The following ULK4 variants were observed in gnomAD, a reference collection of about 807,000 sequenced individuals.
ULK4 encodes the protein unc-51 like kinase 4.
ULK4 carries 133 observed loss-of-function variants against 160.6 expected under a neutral mutation model. That is an observed-to-expected ratio of 0.83 (90% CI 0.72 to 0.96). The LOEUF (loss-of-function observed/expected upper bound fraction) is 0.96. Ranked by LOEUF, ULK4 falls within the 40% of genes least tolerant of loss-of-function variation. The probability of loss-of-function intolerance (pLI) is 0.00; values close to 1 mark genes in which losing one functional copy is unlikely to be tolerated. For synonymous variants in ULK4, 534 were observed against 539.8 expected (o/e 0.99, Z 0.15); for missense variants, 1,580 against 1,499.5 (o/e 1.05, Z -0.89).
intron 32 of ULK4, among the ~76,000 whole-genome samples, chr3:41,563,310 C>T (rs533478951): frequency 6.8e-6 from 1 of 146,234 alleles, no homozygotes; most frequent in East Asian, 1.9e-4. Context: ...TCATTTCAAC[C>T]TTGGTGAATC....
At chr3:41,949,230 AC>A (rs1341904529) in intron 2 of ULK4, among the ~76,000 whole-genome samples, 2 of 151,718 alleles carry the variant, frequency 1.3e-5, no homozygotes, top group African/African-American at 4.8e-5. Flanking sequence ...AATCGTTTGA[AC>A]CTGGGAGGCA....
chr3:41,431,561 T>TTTTTTTTTTTTTTTC lies in ULK4; in HGVS notation c.3492+23935_3492+23936insGAAAAAAAAAAAAAA, dbSNP rs1330061521. Among the ~76,000 whole-genome samples the TTTTTTTTTTTTTTTC allele has an allele frequency of 1.5e-4, 21 of 142,546 alleles. 1 individual carries two copies. The South Asian group carries it at 4.8e-3, about 33-fold the overall frequency. 93.5% of individuals were successfully genotyped at this position (142,546 alleles called of 152,430 possible). ...TAATTCCCTCCCTTTTTTTTTTTTT[T>TTTTTTTTTTTTTTTC]TGATGTGGAAAGAGAGGCTTACTAA... On this transcript the variant is annotated intron_variant, in intron 34 of 36. Coordinates refer to ENST00000301831, the MANE Select transcript of ULK4 (RefSeq NM_017886.4).
intron 35 of ULK4, among the ~76,000 whole-genome samples, chr3:41,344,556 G>A (rs1423916881): frequency 4.0e-5 from 6 of 151,736 alleles, no homozygotes; most frequent in South Asian, 2.1e-4. Context: ...GTTTGAGACC[G>A]GCCTGGCCAA....
chr3:41,466,296 T>G (rs1414798999), intron 32 of ULK4, among the ~76,000 whole-genome samples: 1 of 152,206 alleles, frequency 6.6e-6, no homozygotes, highest in African/African-American at 2.4e-5. Context: ...GAGTCACTGA[T>G]TCAGTAAACG....
chr3:41,752,098 C>A (rs1228033084), intron 22 of ULK4, among the ~76,000 whole-genome samples: 2 of 152,312 alleles, frequency 1.3e-5, no homozygotes, highest in Middle Eastern at 6.8e-3. Context: ...TGTAGGTACT[C>A]TAGCTCCTAT....
intron 27 of ULK4, among the ~76,000 whole-genome samples, chr3:41,684,637 G>T (rs1221969385): frequency 6.6e-6 from 1 of 152,144 alleles, no homozygotes; most frequent in African/African-American, 2.4e-5. Flanking sequence ...ACCCCAAGGG[G>T]CTTTTGTCAT....
At chr3:41,346,482 C>T (rs72864982) in intron 35 of ULK4, among the ~76,000 whole-genome samples, 2,908 of 152,242 alleles carry the variant, frequency 0.019, 93 homozygotes, top group African/African-American at 0.066. Flanking sequence ...TCGGCACTGG[C>T]TCAGTGCTCC....
intron 21 of ULK4, among the ~76,000 whole-genome samples, chr3:41,757,665 A>G (rs1312336392): frequency 2.8e-5 from 4 of 145,224 alleles, no homozygotes; most frequent in Admixed American, 2.1e-4. Flanking sequence ...TAAGAGTCTC[A>G]CTCTGTCGCC....
At chr3:41,852,616 CAG>C (rs1559607814) in intron 17 of ULK4, among the ~76,000 whole-genome samples, 1 of 151,910 alleles carries the variant, frequency 6.6e-6, no homozygotes, top group Non-Finnish European at 1.5e-5. Flanking sequence ...AAGGGGGAAA[CAG>C]AGAAAACAGG....
At chr3:41,739,393 A>C (rs764016526) in intron 22 of ULK4, among the ~76,000 whole-genome samples, 6 of 151,906 alleles carry the variant, frequency 3.9e-5, no homozygotes, top group Non-Finnish European at 8.8e-5. Context: ...GCACCAAATG[A>C]AAGTGGACTG....
chr3:41,371,612 A>C (rs1006888198), intron 35 of ULK4, among the ~76,000 whole-genome samples: 1 of 152,170 alleles, frequency 6.6e-6, no homozygotes. Flanking sequence ...ATCAACAAAA[A>C]GGACAACCAC....
chr3:41,781,070 T>C (rs1021279969), intron 21 of ULK4, among the ~76,000 whole-genome samples: 2 of 151,952 alleles, frequency 1.3e-5, no homozygotes, highest in Non-Finnish European at 2.9e-5. Context: ...AATACATACA[T>C]AAAAATATAT....
rs538722194 is a variant in ULK4, at chr3:41,331,713, C to T, written c.3678+66366G>A. On this transcript the variant is annotated intron_variant, in intron 35 of 36. Transcript: ENST00000301831. ...ATCATCTTTGCCAAATTCACAGAATCTCTAAAGTTGTTTTGAGACGAATTT... is the reference window on the plus strand; with the variant it reads ...ATCATCTTTGCCAAATTCACAGAATTTCTAAAGTTGTTTTGAGACGAATTT... 1.3e-4 allele frequency among the ~76,000 whole-genome samples: 20 copies of T among 152,308 alleles called. No homozygotes were observed. In the East Asian group the frequency reaches 3.3e-3, roughly 25 times the overall value.
At chr3:41,718,800 G>C (rs1011500953) in intron 22 of ULK4, among the ~76,000 whole-genome samples, 1 of 152,176 alleles carries the variant, frequency 6.6e-6, no homozygotes, top group African/African-American at 2.4e-5. Context: ...AAAATGTATT[G>C]AAATCTTGAT....
rs775550611 is a variant in ULK4 at position 41,357,419 on chromosome 3, AGT to A, written c.3678+40658_3678+40659del. Among the ~76,000 whole-genome samples, 22 of 152,210 alleles carry A rather than the reference AGT, an allele frequency of 1.4e-4. No individual in the cohort carries two copies. In the East Asian group the frequency reaches 3.5e-3, roughly 24 times the overall value. On this transcript the variant is annotated intron_variant, in intron 35 of 36. Coordinates refer to ENST00000301831, the MANE Select transcript of ULK4 (RefSeq NM_017886.4). ...GCGTGTGGGGTAGAACGCTCTCCGG[AGT>A]GCTCGGCTGGCAGGAACACCCCACA...
At chr3:41,930,408 C>T (rs569133960) in intron 5 of ULK4, among the ~76,000 whole-genome samples, 7 of 152,128 alleles carry the variant, frequency 4.6e-5, no homozygotes, top group Non-Finnish European at 1.0e-4. Context: ...CTAGGCAATA[C>T]CATTCAGGAT....
At chr3:41,900,527 G>A (rs1345197645) in intron 13 of ULK4, among the ~76,000 whole-genome samples, 198 bp downstream of exon 13, 1 of 152,186 alleles carries the variant, frequency 6.6e-6, no homozygotes, top group African/African-American at 2.4e-5. Flanking sequence ...GAACTCCAGT[G>A]AAGTGGAAGT....
chr3:41,562,228 G>A (rs2087609020), intron 32 of ULK4, among the ~76,000 whole-genome samples: 1 of 152,190 alleles, frequency 6.6e-6, no homozygotes, highest in African/African-American at 2.4e-5. Context: ...CTGAGAGACA[G>A]TTTACTGTGA....
At chr3:41,889,122 A>T (rs1304168055) in intron 16 of ULK4, among the ~76,000 whole-genome samples, 2 of 152,368 alleles carry the variant, frequency 1.3e-5, no homozygotes, top group African/African-American at 2.4e-5. Flanking sequence ...TTCAAGAGGT[A>T]AGAATACAAT....
Sources: gnomAD v4.1 joint callset for allele counts (sites outside exome capture counted in the v4.1 genomes callset) on GRCh38, gnomAD v4.1.1 for gene constraint, MANE v1.5 for transcripts, NCBI Gene and HGNC (gene_info 2026-07-23, HGNC 2026-07-21) for gene names.